Variants in SCAMP1 observed in about 807,000 individuals in gnomAD.
The protein encoded by SCAMP1 is secretory carrier-associated membrane protein 1.
SCAMP1 carries 15 observed loss-of-function variants against 41.8 expected under a neutral mutation model. That is an observed-to-expected ratio of 0.36 (90% CI 0.24 to 0.55). The LOEUF is 0.55. SCAMP1 is among the 20% of genes least tolerant of loss of function. The pLI is 0.86. For synonymous variants in SCAMP1, 135 were observed against 136.8 expected (o/e 0.99, Z 0.09); for missense variants, 341 against 412.6 (o/e 0.83, Z 1.50).
At chr5:78,374,140 C>G (rs1751009579) in intron 1 of SCAMP1, among the ~76,000 whole-genome samples, 1 of 152,016 alleles carries the variant, frequency 6.6e-6, no homozygotes, top group Non-Finnish European at 1.5e-5. Context: ...GTCAAATAAT[C>G]CACACTTTAG....
rs1259023285 is a variant in SCAMP1, at chr5:78,457,519, A to G, written c.735-1726A>G. On this transcript the variant is annotated intron_variant, in intron 7 of 8. Coordinates refer to ENST00000621999, the MANE Select transcript of SCAMP1 (RefSeq NM_004866.6). ...CTCGGGGGTCAGGGGTCAGGGACCC[A>G]GTTGAGGAGGCAGTCTGCCCGTTCT... Among the ~76,000 whole-genome samples the G allele has an allele frequency of 4.6e-5, 7 of 152,312 alleles. No individual in the cohort carries two copies. The South Asian group carries it at 8.3e-4, about 18-fold the overall frequency.
chr5:78,376,247 C>T (rs1162181725), intron 1 of SCAMP1, among the ~76,000 whole-genome samples: 2 of 152,010 alleles, frequency 1.3e-5, no homozygotes, highest in African/African-American at 2.4e-5. Context: ...TGGGTTCCCC[C>T]GATATATAAA....
At chr5:78,429,577 A>G (rs1752552204) in intron 6 of SCAMP1, among the ~76,000 whole-genome samples, 1 of 151,922 alleles carries the variant, frequency 6.6e-6, no homozygotes, top group Non-Finnish European at 1.5e-5. Flanking sequence ...GCTGATTTTT[A>G]TGATTTGCCC....
intron 1 of SCAMP1, among the ~76,000 whole-genome samples, chr5:78,387,362 C>CTTT (rs141037666): frequency 1.5e-5 from 2 of 135,568 alleles, no homozygotes; most frequent in Admixed American, 7.3e-5. Context: ...TATCCTGTAT[C>CTTT]TTTTTTTTTT....
intron 1 of SCAMP1, among the ~76,000 whole-genome samples, chr5:78,387,269 T>G (rs1751364799): frequency 6.6e-6 from 1 of 150,698 alleles, no homozygotes; most frequent in Non-Finnish European, 1.5e-5. Context: ...AGTACATTTT[T>G]CATTTCTCTA....
intron 1 of SCAMP1, among the ~76,000 whole-genome samples, chr5:78,374,495 A>G (rs1405266118): frequency 3.3e-5 from 5 of 152,180 alleles, no homozygotes; most frequent in Admixed American, 6.5e-5. Context: ...TGCTGGCAAT[A>G]TAAAATGAAA....
intron 2 of SCAMP1, among the ~76,000 whole-genome samples, chr5:78,396,793 T>A (rs2115436): frequency 0.76 from 115,487 of 152,138 alleles, 44,435 homozygotes; most frequent in African/African-American, 0.84. Flanking sequence ...AGAAAGTGTT[T>A]CAATAATGAG....
At chr5:78,366,149 C>T (rs12655215) in intron 1 of SCAMP1, among the ~76,000 whole-genome samples, 138,663 of 146,236 alleles carry the variant, frequency 0.95, 65,922 homozygotes, top group Non-Finnish European at 0.97. Context: ...CTTTTCTTTT[C>T]TTTTTTTTTT....
At chr5:78,438,039 G>A (rs556639529) in intron 6 of SCAMP1, among the ~76,000 whole-genome samples, 9 of 152,078 alleles carry the variant, frequency 5.9e-5, no homozygotes, top group Non-Finnish European at 1.3e-4. Context: ...TAGTTTGTAT[G>A]TCTGTAGGAT....
chr5:78,365,520 A>G (rs1457524926), intron 1 of SCAMP1, among the ~76,000 whole-genome samples: 3 of 149,358 alleles, frequency 2.0e-5, no homozygotes, highest in Non-Finnish European at 3.0e-5. Context: ...TAATCTCTAT[A>G]TGCTTAGCTA....
intron 8 of SCAMP1, among the ~76,000 whole-genome samples, chr5:78,468,068 T>C (rs11958920): frequency 0.45 from 68,806 of 151,934 alleles, 16,378 homozygotes; most frequent in Non-Finnish European, 0.51. Flanking sequence ...CCTATATATT[T>C]ATCCTAATTG....
Position 78,458,713 on chromosome 5 carries a change from C to G in SCAMP1, c.735-532C>G, listed in dbSNP as rs1352305101. Among the ~76,000 whole-genome samples the G allele has an allele frequency of 3.3e-5, 5 of 152,226 alleles. No individual in the cohort carries two copies. The East Asian group carries it at 7.7e-4, about 24-fold the overall frequency. On this transcript the variant is annotated intron_variant, in intron 7 of 8. Coordinates refer to ENST00000621999, the MANE Select transcript of SCAMP1 (RefSeq NM_004866.6). ...TGACCAACATGGTGAAACCCCGTCT[C>G]TACTAAAGATACAAAAAGTAGCCAG...
chr5:78,366,144 C>CTTTTTTT lies in SCAMP1; in HGVS notation c.57+5420_57+5421insTTTTTTT, dbSNP rs781191155. ...CAGCTCTTTGGGGCCCTTTTCTTTT[C>CTTTTTTT]TTTTCTTTTTTTTTTTTGAGACGGA... is the stretch of plus-strand genomic sequence containing the variant. On this transcript the variant is annotated intron_variant, in intron 1 of 8. Coordinates refer to ENST00000621999, the MANE Select transcript of SCAMP1 (RefSeq NM_004866.6). Among the ~76,000 whole-genome samples, 6 of 135,664 alleles carry CTTTTTTT rather than the reference C, an allele frequency of 4.4e-5. 1 individual carries two copies. The highest frequency in any genetic ancestry group is 1.5e-4 in the Admixed American group (2 of 13,154). 89.0% of individuals were successfully genotyped at this position (135,664 alleles called of 152,430 possible).
intron 1 of SCAMP1, 188 bp downstream of exon 1, chr5:78,360,916 T>A: frequency 1.7e-6 from 1 of 597,674 alleles, no homozygotes; most frequent in Non-Finnish European, 2.9e-6. Flanking sequence ...TTTTGGGGCT[T>A]GGGGGTGGAA....
At chr5:78,391,057 T>G (rs1467861228) in intron 2 of SCAMP1, among the ~76,000 whole-genome samples, 1 of 151,514 alleles carries the variant, frequency 6.6e-6, no homozygotes, top group Non-Finnish European at 1.5e-5. Context: ...TACTTCTTTC[T>G]ACACAGACAT....
At chr5:78,473,871 C>A (rs989100668) in intron 8 of SCAMP1, among the ~76,000 whole-genome samples, 2 of 152,046 alleles carry the variant, frequency 1.3e-5, no homozygotes, top group Non-Finnish European at 2.9e-5. Context: ...GCTGCTATAA[C>A]AAAAATACCA....
At chr5:78,379,497 G>A (rs1751145662) in intron 1 of SCAMP1, among the ~76,000 whole-genome samples, 1 of 152,064 alleles carries the variant, frequency 6.6e-6, no homozygotes, top group African/African-American at 2.4e-5. Context: ...TTAATGCTTT[G>A]TCATCTAATA....
At chr5:78,434,039 T>C (rs557374519) in intron 6 of SCAMP1, among the ~76,000 whole-genome samples, 1 of 152,270 alleles carries the variant, frequency 6.6e-6, no homozygotes, top group East Asian at 1.9e-4. Flanking sequence ...AAGCTTTTGT[T>C]TGGAAGAGTT....
At chr5:78,415,492 A>T in intron 2 of SCAMP1, 28 bp from the exon 3 acceptor site, 1 of 1,390,620 alleles carries the variant, frequency 7.2e-7, no homozygotes, top group Non-Finnish European at 1.0e-6. Flanking sequence ...TCTGTGTTAC[A>T]TAATTTTCCT....
Sources: gnomAD v4.1 joint callset for allele counts (sites outside exome capture counted in the v4.1 genomes callset) on GRCh38, gnomAD v4.1.1 for gene constraint, MANE v1.5 for transcripts, NCBI Gene and HGNC (gene_info 2026-07-23, HGNC 2026-07-21) for gene names.